Variants in CCNDBP1 observed in about 807,000 individuals in gnomAD.
CCNDBP1 encodes the protein cyclin-D1-binding protein 1.
CCNDBP1 carries 45 observed loss-of-function variants against 46.2 expected under a neutral mutation model. The observed-to-expected ratio is 0.97, with a 90% confidence interval of 0.77 to 1.25. CCNDBP1 has a LOEUF of 1.25. Among genes scored for constraint, CCNDBP1 ranks in the 50% most tolerant of loss-of-function variants. The pLI is 0.00. For missense variants in CCNDBP1, 436 were observed against 442.1 expected (o/e 0.99, Z 0.12); for synonymous variants, 154 against 163.6 (o/e 0.94, Z 0.45).
At chr15:43,185,723 C>T in intron 1 of CCNDBP1, 97 bp from the exon 2 acceptor site, 1 of 1,420,296 alleles carries the variant, frequency 7.0e-7, no homozygotes, top group Non-Finnish European at 9.4e-7. Flanking sequence ...CGGGCTGGGG[C>T]GGCGGCGGGG....
chr15:43,194,251 C>A (rs2042008724), intron 9 of CCNDBP1, 164 bp from the exon 10 acceptor site: 1 of 526,414 alleles, frequency 1.9e-6, no homozygotes, highest in Admixed American at 3.7e-5. Flanking sequence ...TAGAAAAGAA[C>A]CCGTAATCCT....
At position 43,194,821 on chromosome 15, in the gene CCNDBP1, C is replaced by T. The variant is rs755710855; in HGVS notation, c.1063C>T (p.Gln355Ter). ...HCMNRIKELTQSELEL is the reference protein window; with the variant it reads ...HCMNRIKELT ...CATGAATAGAATCAAGGAGCTCACT[C>T]AGAGTGAACTTGAATTATGACTTTT... Residue 355 changes from glutamine to a stop codon, truncating the protein, a stop_gained, in exon 11 of 11, where the codon CAG (glutamine) becomes TAG (stop). Coordinates refer to ENST00000300213, the MANE Select transcript of CCNDBP1 (RefSeq NM_012142.5). LOFTEE classifies it high-confidence loss of function. 1.2e-6 allele frequency: 2 copies of T among 1,609,072 alleles called. No homozygotes were observed. Among genetic ancestry groups the T allele is most frequent in the Non-Finnish European group, 1.7e-6 (2 of 1,175,412 alleles).
intron 3 of CCNDBP1, 105 bp from the exon 4 acceptor site, chr15:43,189,094 A>AG (rs1294214365): frequency 8.5e-6 from 4 of 471,404 alleles, no homozygotes; most frequent in South Asian, 6.7e-5. Flanking sequence ...AAAAAAAAAA[A>AG]AAAAAAAAAA....
At chr15:43,185,987 C>A in intron 2 of CCNDBP1, 108 bp downstream of exon 2, 1 of 1,251,694 alleles carries the variant, frequency 8.0e-7, no homozygotes, top group Non-Finnish European at 1.1e-6. Flanking sequence ...CCGCTGCATC[C>A]TTTCTGTGAG....
chr15:43,185,844 A>G lies in CCNDBP1; in HGVS notation c.134A>G (p.Glu45Gly). The change falls in exon 2 of 11, where the codon GAG becomes GGG. Residue 45 changes from glutamate to glycine, a missense_variant. Coordinates refer to ENST00000300213, the MANE Select transcript of CCNDBP1 (RefSeq NM_012142.5). The part of the protein sequence containing the change: ...VRVGEAQETT[E>G]EFNREMFWRR... ...GTCGGCGAAGCCCAGGAGACCACCG[A>G]GGAGTTTAATCGAGAGATGTTCTGG... 6 of 1,611,624 alleles carry G rather than the reference A, an allele frequency of 3.7e-6. No individual in the cohort carries two copies. The highest frequency in any genetic ancestry group is 1.3e-5 in the African/African-American group (1 of 75,034).
chr15:43,185,534 C>T lies in CCNDBP1; in HGVS notation c.36C>T (p.Pro12=). The T allele has an allele frequency of 6.3e-7, 1 of 1,596,812 alleles. No homozygotes were observed. Among genetic ancestry groups the T allele is most frequent in the Non-Finnish European group, 8.5e-7 (1 of 1,174,248 alleles). The change falls in exon 1 of 11, where the codon CCC becomes CCT. Residue 12 remains proline (P), a synonymous_variant. Transcript: ENST00000300213. ...ASATAPAAAV[P]TLASPLEQLR... The stretch of plus-strand genomic sequence containing the variant: ...CAACTGCACCTGCAGCCGCAGTCCC[C>T]ACCCTGGCTTCGCCTTTGGAGCAGC...
chr15:43,194,000 G>A (rs570371344), intron 9 of CCNDBP1: 14 of 302,766 alleles, frequency 4.6e-5, no homozygotes, highest in Non-Finnish European at 6.0e-5. Flanking sequence ...TATATTAAAC[G>A]TCTCCATCTT....
At position 43,190,061 on chromosome 15, in the gene CCNDBP1, C is replaced by T; in HGVS notation, c.338C>T (p.Thr113Ile). 6.2e-7 allele frequency: 1 copy of T among 1,614,020 alleles called. No individual in the cohort carries two copies. The highest frequency in any genetic ancestry group is 2.2e-5 in the East Asian group (1 of 44,888). Residue 113 changes from threonine (T) to isoleucine (I), a missense_variant, in exon 5 of 11, where the codon ACC (threonine) becomes ATC (isoleucine). Physicochemically the swap from Thr to Ile is moderately conservative, Grantham distance 89. Transcript: ENST00000300213. The stretch of plus-strand genomic sequence containing the variant: ...TCTTTGGGTTTGGCCACAGGGATCA[C>T]CCTGAGAAAGCTGGTACGGGGCGCC... ...YYLLPKDQGITLRKLVRGATL... is the reference protein window; with the variant it reads ...YYLLPKDQGIILRKLVRGATL...
intron 6 of CCNDBP1, 74 bp downstream of exon 6, chr15:43,190,472 T>C: frequency 9.0e-7 from 1 of 1,112,274 alleles, no homozygotes; most frequent in Non-Finnish European, 1.4e-6. Flanking sequence ...TCCAGCTTTG[T>C]AACATGTATT....
chr15:43,185,862 T>G lies in CCNDBP1; in HGVS notation c.152T>G (p.Met51Arg). Reference sequence around the variant, plus strand: ...ACCACCGAGGAGTTTAATCGAGAGATGTTCTGGAGAAGACTCAGTGAGTGC... The same window carrying G: ...ACCACCGAGGAGTTTAATCGAGAGAGGTTCTGGAGAAGACTCAGTGAGTGC... ...QETTEEFNRE[M>R]FWRRLNEAAV... The change falls in exon 2 of 11, where the codon ATG (methionine) becomes AGG (arginine). Residue 51 changes from methionine to arginine, a missense_variant. Transcript: ENST00000300213. The G allele has an allele frequency of 1.2e-6, 2 of 1,611,500 alleles. No individual in the cohort carries two copies. Among genetic ancestry groups the G allele is most frequent in the Non-Finnish European group, 1.7e-6 (2 of 1,179,914 alleles).
chr15:43,192,923 C>T, intron 9 of CCNDBP1, 120 bp downstream of exon 9: 1 of 880,026 alleles, frequency 1.1e-6, no homozygotes. Flanking sequence ...GGAAGTACAA[C>T]AGTAATGTCA....
chr15:43,185,612 G>A lies in CCNDBP1; in HGVS notation c.109+5G>A, dbSNP rs758058317. On this transcript the variant is annotated splice_donor_5th_base_variant and intron_variant, in intron 1 of 10. Transcript: ENST00000300213. ...TGCTCCTGCCTCGAGTGCGGGGTGA[G>A]CTGACGGAGTTAGAACGGGCGACGG... The A allele has an allele frequency of 2.6e-6, 4 of 1,549,424 alleles. No individual in the cohort carries two copies. In the East Asian group the frequency reaches 7.2e-5, roughly 28 times the overall value.
chr15:43,194,858 G>A lies in CCNDBP1; in HGVS notation c.*17G>A, dbSNP rs201854490. On this transcript the variant is annotated 3_prime_UTR_variant, in exon 11 of 11. Transcript: ENST00000300213. ...GAATTATGACTTTTCAGGCTCATTT[G>A]TACTCTCTTCCCCTCTCATCGTCAT... 4.8e-6 allele frequency: 7 copies of A among 1,461,700 alleles called. No homozygotes were observed. The highest frequency in any genetic ancestry group is 4.2e-5 in the African/African-American group (3 of 71,938). 90.5% of individuals were successfully genotyped at this position (1,461,700 alleles called of 1,614,324 possible).
rs188170506 is a variant in CCNDBP1 at position 43,188,875 on chromosome 15, G to A, written c.250-324G>A. The A allele has an allele frequency of 2.1e-5, 4 of 193,044 alleles. No homozygotes were observed. In the East Asian group the frequency reaches 4.2e-4, roughly 20 times the overall value. 12.0% of individuals were successfully genotyped at this position (193,044 alleles called of 1,614,324 possible). ...GTGGATCACCTGAGGTCAGGAGTTC[G>A]AGACCAGTGTGGCCAGTGTGGCAAA... On this transcript the variant is annotated intron_variant, in intron 3 of 10. Transcript: ENST00000300213.
At chr15:43,194,298 A>G (rs1326545572) in intron 9 of CCNDBP1, 117 bp from the exon 10 acceptor site, 3 of 748,324 alleles carry the variant, frequency 4.0e-6, no homozygotes, top group Non-Finnish European at 4.1e-6. Flanking sequence ...AATTTTGCAT[A>G]CTTCCTTCAG....
At chr15:43,190,425 G>A (rs1261795151) in intron 6 of CCNDBP1, 27 bp downstream of exon 6, 2 of 1,600,662 alleles carry the variant, frequency 1.2e-6, no homozygotes, top group African/African-American at 1.3e-5. Context: ...AGTGGGCCAT[G>A]TCTGCTGGCC....
intron 5 of CCNDBP1, 67 bp from the exon 6 acceptor site, chr15:43,190,258 A>G: frequency 6.3e-7 from 1 of 1,590,652 alleles, no homozygotes. Flanking sequence ...AATGACCAGC[A>G]GGAAGAAGCT....
chr15:43,187,395 G>C (rs113177808), intron 3 of CCNDBP1, among the ~76,000 whole-genome samples: 1 of 151,666 alleles, frequency 6.6e-6, no homozygotes, highest in Non-Finnish European at 1.5e-5. Flanking sequence ...TCAGCCTCTC[G>C]AGTAGCTGGG....
At chr15:43,190,451 C>A (rs918920210) in intron 6 of CCNDBP1, 53 bp downstream of exon 6, 5 of 1,376,952 alleles carry the variant, frequency 3.6e-6, no homozygotes, top group Non-Finnish European at 3.1e-6. Flanking sequence ...AAAGAGACCT[C>A]ATGTCTAGCT....
Sources: gnomAD v4.1 joint callset for allele counts (sites outside exome capture counted in the v4.1 genomes callset) on GRCh38, gnomAD v4.1.1 for gene constraint, MANE v1.5 for transcripts, NCBI Gene and HGNC (gene_info 2026-07-23, HGNC 2026-07-21) for gene names.